ME3: variants seen among roughly 807,000 people sequenced by gnomAD.
ME3 encodes the protein malic enzyme 3.
In ME3, 48 loss-of-function variants were observed where a neutral mutation model predicts 68.9. The observed-to-expected ratio is 0.70, with a 90% CI of 0.55 to 0.89. ME3 has a LOEUF of 0.89. Ranked by LOEUF, ME3 falls within the 40% of genes least tolerant of loss-of-function variation. The pLI, the probability that ME3 is intolerant of heterozygous loss-of-function variation, is 0.00. For synonymous variants in ME3, 320 were observed against 318.8 expected (o/e 1.00, Z -0.04); for missense variants, 675 against 797.4 (o/e 0.85, Z 1.85).
intron 2 of ME3, among the ~76,000 whole-genome samples, chr11:86,598,262 C>T (rs1460978124): frequency 2.6e-5 from 4 of 152,178 alleles, no homozygotes; most frequent in East Asian, 1.9e-4. Flanking sequence ...TGCGCTTTTC[C>T]GACGGGCTTA....
At chr11:86,585,659 A>G (rs901026206) in intron 2 of ME3, among the ~76,000 whole-genome samples, 10 of 152,218 alleles carry the variant, frequency 6.6e-5, no homozygotes, top group African/African-American at 2.2e-4. Context: ...TTCCATATCT[A>G]TAAGTCTGGG....
chr11:86,560,748 G>GTGTATGTGTATATATATATATA lies in ME3; in HGVS notation c.184-926_184-925insTATATATATATATACACATACA, dbSNP rs1243025217. Among the ~76,000 whole-genome samples the GTGTATGTGTATATATATATATA allele has an allele frequency of 9.4e-4, 59 of 62,496 alleles. 4 individuals are homozygous for GTGTATGTGTATATATATATATA. The East Asian group carries it at 0.014, about 15-fold the overall frequency. 41.0% of individuals were successfully genotyped at this position (62,496 alleles called of 152,430 possible). A position where few individuals can be genotyped will look rare whatever the true frequency, so the allele number is the denominator to read the frequency against. On this transcript the variant is annotated intron_variant, in intron 2 of 14. Coordinates refer to ENST00000543262, the Ensembl canonical transcript of ME3. ...TGTATGTGTGTGTGTGTGTGTGTGTGTATATATATATATATATATATATAT... is the reference window on the plus strand; with the variant it reads ...TGTATGTGTGTGTGTGTGTGTGTGTGTGTATGTGTATATATATATATATATATATATATATATATATATATAT...
intron 2 of ME3, among the ~76,000 whole-genome samples, chr11:86,599,444 G>T (rs1240529127): frequency 6.6e-6 from 1 of 152,152 alleles, no homozygotes; most frequent in African/African-American, 2.4e-5. Flanking sequence ...AGAAATATGG[G>T]ACTATCTGAA....
chr11:86,556,520 C>T, intron 4 of ME3, 33 bp downstream of exon 4: 1 of 1,600,596 alleles, frequency 6.2e-7, no homozygotes. Flanking sequence ...ATGAGGCAGC[C>T]CCTCCCAGAG....
At chr11:86,662,554 G>A (rs1039602030) in intron 2 of ME3, among the ~76,000 whole-genome samples, 1 of 152,078 alleles carries the variant, frequency 6.6e-6, no homozygotes, top group African/African-American at 2.4e-5. Context: ...CTATGATTGT[G>A]CCACTGTACT....
At chr11:86,488,604 A>T (rs1252419927) in intron 6 of ME3, among the ~76,000 whole-genome samples, 1 of 152,148 alleles carries the variant, frequency 6.6e-6, no homozygotes, top group Non-Finnish European at 1.5e-5. Context: ...CTATTGGGTT[A>T]TCTGTGTGTG....
intron 2 of ME3, among the ~76,000 whole-genome samples, chr11:86,621,737 A>G (rs1332415140): frequency 6.6e-6 from 1 of 152,034 alleles, no homozygotes; most frequent in Admixed American, 6.6e-5. Context: ...GTGGGCTTTC[A>G]GGAGAAATAA....
At chr11:86,446,723 A>T (rs1208408353) in intron 12 of ME3, among the ~76,000 whole-genome samples, 2 of 152,174 alleles carry the variant, frequency 1.3e-5, no homozygotes. Flanking sequence ...TCACAGCACC[A>T]TTTTTGTCAC....
intron 6 of ME3, among the ~76,000 whole-genome samples, chr11:86,494,045 T>A (rs630438): frequency 0.84 from 126,935 of 150,838 alleles, 53,653 homozygotes; most frequent in Non-Finnish European, 0.87. Flanking sequence ...TTGCAAACGG[T>A]TTCATTGAAA....
intron 6 of ME3, among the ~76,000 whole-genome samples, chr11:86,497,657 G>A (rs990274979): frequency 6.6e-6 from 1 of 152,138 alleles, no homozygotes. Flanking sequence ...AAACTGCCTG[G>A]GGTAATGGGG....
intron 7 of ME3, 71 bp from the exon 8 acceptor site, chr11:86,465,271 AC>A: frequency 8.4e-7 from 1 of 1,193,522 alleles, no homozygotes; most frequent in Non-Finnish European, 1.2e-6. Context: ...CCCAGCTTGC[AC>A]AGTGGGGTGG....
chr11:86,577,125 A>G (rs1458798095), intron 2 of ME3, among the ~76,000 whole-genome samples: 2 of 152,070 alleles, frequency 1.3e-5, no homozygotes, highest in East Asian at 1.9e-4. Context: ...TTCACCTTCA[A>G]TGGACACAAC....
At position 86,534,242 on chromosome 11, in the gene ME3, T is replaced by C. The variant is rs114688873; in HGVS notation, c.467+22311A>G. On this transcript the variant is annotated intron_variant, in intron 4 of 14. Coordinates refer to ENST00000543262, the Ensembl canonical transcript of ME3. ...CATTACTGTATACTAATGTAGACTT[T>C]ATAACACTGTATACTTAGGCTACAC... Among the ~76,000 whole-genome samples, 1,393 of 152,242 alleles carry C rather than the reference T, an allele frequency of 9.1e-3. 15 individuals are homozygous for C. The highest frequency in any genetic ancestry group is 0.032 in the African/African-American group (1,322 of 41,544).
chr11:86,667,470 G>A (rs1946653048), intron 2 of ME3, among the ~76,000 whole-genome samples: 1 of 152,226 alleles, frequency 6.6e-6, no homozygotes, highest in African/African-American at 2.4e-5. Context: ...GCATTGGGCT[G>A]TGAAGTAGTG....
chr11:86,461,020 G>T (rs1013133762), intron 8 of ME3, among the ~76,000 whole-genome samples: 7 of 152,252 alleles, frequency 4.6e-5, no homozygotes, highest in Non-Finnish European at 4.4e-5. Flanking sequence ...GAATGGGAAC[G>T]ATGGGGAGGG....
At chr11:86,458,448 A>G (rs554544665) in intron 8 of ME3, among the ~76,000 whole-genome samples, 1 of 152,252 alleles carries the variant, frequency 6.6e-6, no homozygotes, top group South Asian at 2.1e-4. Flanking sequence ...TTTTGCCACA[A>G]TTTGGAAAGA....
chr11:86,581,957 G>T (rs1325159967), intron 2 of ME3, among the ~76,000 whole-genome samples: 1 of 152,116 alleles, frequency 6.6e-6, no homozygotes, highest in Non-Finnish European at 1.5e-5. Flanking sequence ...CTAAAATCCT[G>T]CAACTCCTGA....
intron 10 of ME3, among the ~76,000 whole-genome samples, chr11:86,449,054 C>G (rs2138617965): frequency 6.6e-6 from 1 of 152,330 alleles, no homozygotes; most frequent in South Asian, 2.1e-4. Context: ...GGCTAAGTTC[C>G]TTTCAGCAGA....
chr11:86,488,518 C>T (rs1185711199), intron 6 of ME3, among the ~76,000 whole-genome samples: 2 of 152,168 alleles, frequency 1.3e-5, no homozygotes, highest in East Asian at 3.9e-4. Flanking sequence ...GAGAGATGCT[C>T]ACCTTAACAC....
Sources: allele counts gnomAD v4.1 joint callset (sites outside exome capture counted in the v4.1 genomes callset), GRCh38; gene constraint gnomAD v4.1.1; transcripts MANE v1.5; gene names NCBI Gene and HGNC (gene_info 2026-07-23, HGNC 2026-07-21).